BCAR3: variants seen among roughly 807,000 people sequenced by gnomAD.
BCAR3 encodes the protein BCAR3 adaptor protein, NSP family member.
BCAR3 carries 37 observed loss-of-function variants against 80.1 expected under a neutral mutation model. The observed-to-expected ratio is 0.46, with a 90% CI of 0.36 to 0.61. The LOEUF is 0.61. BCAR3 is among the 20% of genes least tolerant of loss of function. The pLI is 0.00. For synonymous variants in BCAR3, 389 were observed against 418.9 expected (o/e 0.93, Z 0.87); for missense variants, 978 against 1,068.2 (o/e 0.92, Z 1.18).
At chr1:93,587,731 T>C (rs1674006173) in intron 5 of BCAR3, among the ~76,000 whole-genome samples, 2 of 146,898 alleles carry the variant, frequency 1.4e-5, no homozygotes, top group Non-Finnish European at 3.0e-5. Context: ...TAGAATAAAA[T>C]ATGTTGGTTT....
intron 3 of BCAR3, among the ~76,000 whole-genome samples, chr1:93,604,001 T>G (rs1404450172): frequency 6.6e-6 from 1 of 152,234 alleles, no homozygotes; most frequent in Non-Finnish European, 1.5e-5. Flanking sequence ...TTTAAGCACC[T>G]TGATGAAATA....
chr1:93,697,048 G>A (rs1410607886), intron 3 of BCAR3, among the ~76,000 whole-genome samples: 1 of 152,208 alleles, frequency 6.6e-6, no homozygotes. Context: ...TCCTCCCTTA[G>A]CCTCTCACAG....
At chr1:93,796,697 ATT>A (rs1653286201) in intron 2 of BCAR3, among the ~76,000 whole-genome samples, 1 of 152,128 alleles carries the variant, frequency 6.6e-6, no homozygotes, top group Non-Finnish European at 1.5e-5. Flanking sequence ...TTATAGTCTT[ATT>A]TGTCTTCGCT....
rs769929628 is a variant in BCAR3 at position 93,833,142 on chromosome 1, C to A, written c.-63+12425G>T. ...AAAGAAAGAAATTTTACAGCTGGGA[C>A]TCTGGGGGTGACATCACATGTCGGC... is the stretch of plus-strand genomic sequence containing the variant. On this transcript the variant is annotated intron_variant, in intron 2 of 13. Transcript: ENST00000370244. 9.6e-4 allele frequency among the ~76,000 whole-genome samples: 146 copies of A among 152,230 alleles called. 1 individual carries two copies. Among genetic ancestry groups the A allele is most frequent in the Non-Finnish European group, 1.5e-4 (10 of 68,032 alleles).
rs1650307564 is a variant in BCAR3, at chr1:93,719,355, T to TTC, written c.-62-13214_-62-13213insGA. Among the ~76,000 whole-genome samples, 8 of 144,330 alleles carry TTC rather than the reference T, an allele frequency of 5.5e-5. No homozygotes were observed. In the Admixed American group the frequency reaches 5.5e-4, roughly 10 times the overall value. The allele number at this position is 144,330 out of a possible 152,430, so 94.7% of individuals were successfully genotyped here. On this transcript the variant is annotated intron_variant, in intron 2 of 13. Transcript: ENST00000370244. Reference sequence around the variant, plus strand: ...TCTTGTTTTTTTTTTTTTTTTTTTTTTTTTGAGACAGAGTCTCACTCTGTT... The same window carrying TTC: ...TCTTGTTTTTTTTTTTTTTTTTTTTTTCTTTTGAGACAGAGTCTCACTCTGTT...
intron 3 of BCAR3, among the ~76,000 whole-genome samples, chr1:93,609,457 T>G (rs1335419816): frequency 6.6e-6 from 1 of 152,156 alleles, no homozygotes; most frequent in African/African-American, 2.4e-5. Context: ...TGCAAGGTAA[T>G]TCCCGTCTCT....
At chr1:93,840,071 A>T (rs1296729091) in intron 2 of BCAR3, among the ~76,000 whole-genome samples, 4 of 152,190 alleles carry the variant, frequency 2.6e-5, no homozygotes, top group Non-Finnish European at 2.9e-5. Flanking sequence ...TTTAAAAAAA[A>T]TGCTGATGCC....
At chr1:93,596,868 C>T (rs992390921) in intron 3 of BCAR3, among the ~76,000 whole-genome samples, 9 of 152,148 alleles carry the variant, frequency 5.9e-5, no homozygotes, top group African/African-American at 1.7e-4. Flanking sequence ...GAGGCTCCAG[C>T]CATCCTGAGC....
At chr1:93,786,260 C>G (rs1283729951) in intron 2 of BCAR3, among the ~76,000 whole-genome samples, 2 of 148,596 alleles carry the variant, frequency 1.3e-5, no homozygotes, top group South Asian at 4.3e-4. Context: ...AATGCTCATA[C>G]CTGTAACCCA....
At chr1:93,655,175 C>T (rs1647313140) in intron 2 of BCAR3, among the ~76,000 whole-genome samples, 2 of 152,170 alleles carry the variant, frequency 1.3e-5, no homozygotes, top group South Asian at 4.1e-4. Flanking sequence ...GGATGCCACA[C>T]AAACATGCTT....
chr1:93,796,688 T>G (rs949392111), intron 2 of BCAR3, among the ~76,000 whole-genome samples: 1 of 152,116 alleles, frequency 6.6e-6, no homozygotes, highest in African/African-American at 2.4e-5. Flanking sequence ...CCCCAACACT[T>G]ATAGTCTTAT....
intron 3 of BCAR3, among the ~76,000 whole-genome samples, chr1:93,700,604 C>T (rs1649605343): frequency 6.6e-6 from 1 of 152,178 alleles, no homozygotes; most frequent in African/African-American, 2.4e-5. Flanking sequence ...TGCCCCTCTC[C>T]CCTCCTTGGC....
At position 93,698,976 on chromosome 1, in the gene BCAR3, G is replaced by T. The variant is rs550772031; in HGVS notation, c.-12+7116C>A. 3.9e-5 allele frequency among the ~76,000 whole-genome samples: 6 copies of T among 152,322 alleles called. No individual in the cohort carries two copies. In the South Asian group the frequency reaches 6.2e-4, roughly 16 times the overall value. On this transcript the variant is annotated intron_variant, in intron 3 of 13. Transcript: ENST00000370244. ...CTGCTTTTTTGGCTTGGTACAGAAGGTGGACAGGCAAGTGGAGCACCCTCT... is the reference window on the plus strand; with the variant it reads ...CTGCTTTTTTGGCTTGGTACAGAAGTTGGACAGGCAAGTGGAGCACCCTCT...
intron 2 of BCAR3, among the ~76,000 whole-genome samples, chr1:93,779,274 G>A (rs553338944): frequency 7.2e-4 from 110 of 152,218 alleles, no homozygotes; most frequent in African/African-American, 2.6e-3. Context: ...ACTTGGCCAG[G>A]GCCAAGTCAT....
intron 2 of BCAR3, among the ~76,000 whole-genome samples, chr1:93,742,534 G>A (rs987138462): frequency 6.6e-6 from 1 of 152,170 alleles, no homozygotes; most frequent in Admixed American, 6.6e-5. Flanking sequence ...CGTTTGCCAG[G>A]TTCCATTTTC....
At chr1:93,706,925 C>A (rs1021751228) in intron 2 of BCAR3, among the ~76,000 whole-genome samples, 1 of 152,176 alleles carries the variant, frequency 6.6e-6, no homozygotes, top group African/African-American at 2.4e-5. Context: ...GCCTGTAATC[C>A]CAGTACTTTG....
At chr1:93,610,393 C>T (rs570434875) in intron 3 of BCAR3, among the ~76,000 whole-genome samples, 19 of 152,150 alleles carry the variant, frequency 1.2e-4, no homozygotes, top group Non-Finnish European at 2.5e-4. Context: ...GCTGAAATGC[C>T]GTCCCTATGC....
At position 93,582,310 on chromosome 1, in the gene BCAR3, C is replaced by T. The variant is rs778771461; in HGVS notation, c.1677G>A (p.Met559Ile). ...GACCCCCAGCGCTTACCCTGCAGTCCATGCTCAGTACGTGCTGGGCGATGA... is the reference window on the plus strand; with the variant it reads ...GACCCCCAGCGCTTACCCTGCAGTCTATGCTCAGTACGTGCTGGGCGATGA... The part of the protein sequence containing the change: ...PKVIAQHVLS[M>I]DCRVARILGV... Residue 559 changes from methionine (M) to isoleucine (I), a missense_variant, in exon 7 of 12, where the codon ATG (methionine) becomes ATA (isoleucine). Transcript: ENST00000260502. 2.0e-5 allele frequency: 33 copies of T among 1,613,458 alleles called. No individual in the cohort carries two copies. The Admixed American group carries it at 5.5e-4, about 27-fold the overall frequency.
chr1:93,730,072 AT>A (rs966119451), intron 2 of BCAR3, among the ~76,000 whole-genome samples: 1 of 152,034 alleles, frequency 6.6e-6, no homozygotes, highest in African/African-American at 2.4e-5. Flanking sequence ...TTATCATGTG[AT>A]TTTTTTCCCA....
Sources: allele counts gnomAD v4.1 joint callset (sites outside exome capture counted in the v4.1 genomes callset), GRCh38; gene constraint gnomAD v4.1.1; transcripts MANE v1.5; gene names NCBI Gene and HGNC (gene_info 2026-07-23, HGNC 2026-07-21).